ADAMTS17: variants seen among roughly 807,000 people sequenced by gnomAD.
The protein encoded by ADAMTS17 is A disintegrin and metalloproteinase with thrombospondin motifs 17.
A neutral mutation model predicts 141.5 loss-of-function variants in ADAMTS17; 113 were observed. The ratio of observed to expected loss-of-function variants is 0.80; its 90% CI spans 0.69 to 0.93. The LOEUF is 0.93. Ranked by LOEUF, ADAMTS17 falls within the 40% of genes least tolerant of loss-of-function variation. ADAMTS17 has a pLI of 0.00. For missense variants in ADAMTS17, 1,659 were observed against 1,517.9 expected, an observed-to-expected ratio of 1.09 and a Z score of -1.54; for synonymous variants, 768 against 630.6, an observed-to-expected ratio of 1.22 and a Z score of -3.27.
chr15:100,232,790 T>C (rs1042586282), intron 7 of ADAMTS17, among the ~76,000 whole-genome samples: 3 of 152,062 alleles, frequency 2.0e-5, no homozygotes, highest in African/African-American at 7.2e-5. Context: ...CTCACAGTTC[T>C]TCACACTGAC....
chr15:100,102,959 C>T (rs752571856), intron 14 of ADAMTS17, among the ~76,000 whole-genome samples: 1 of 152,202 alleles, frequency 6.6e-6, no homozygotes, highest in Non-Finnish European at 1.5e-5. Flanking sequence ...TCAGTGGCGA[C>T]TCTCCGCCTC....
chr15:100,337,394 A>G (rs572018070), intron 2 of ADAMTS17, among the ~76,000 whole-genome samples: 2 of 152,362 alleles, frequency 1.3e-5, no homozygotes, highest in East Asian at 3.9e-4. Flanking sequence ...ATTCCAAATA[A>G]GAGTCCTACA....
intron 15 of ADAMTS17, among the ~76,000 whole-genome samples, chr15:100,096,153 A>G (rs2035743247): frequency 6.6e-6 from 1 of 152,152 alleles, no homozygotes; most frequent in Admixed American, 6.5e-5. Context: ...TTCATGGCAA[A>G]CTATTCACTA....
rs1345810791 is a variant in ADAMTS17 at position 100,314,695 on chromosome 15, A to G, written c.616+16194T>C. ...TTTGAGTCTGGGTGACTGGAAAAAA[A>G]ACTGGTGAGAACATGGACAGGCATC... On this transcript the variant is annotated intron_variant, in intron 3 of 21. Coordinates refer to ENST00000268070, the MANE Select transcript of ADAMTS17 (RefSeq NM_139057.4). Among the ~76,000 whole-genome samples the G allele has an allele frequency of 2.0e-5, 3 of 152,242 alleles. No homozygotes were observed. The East Asian group carries it at 5.8e-4, about 29-fold the overall frequency.
chr15:99,978,440 C>T (rs568209076), intron 20 of ADAMTS17: 2 of 152,356 alleles, frequency 1.3e-5, no homozygotes, highest in African/African-American at 4.8e-5. Context: ...AAACTGGAAC[C>T]CGGGCTCTGA....
intron 1 of ADAMTS17, 70 bp downstream of exon 1, chr15:100,341,751 C>A: frequency 6.7e-7 from 1 of 1,502,946 alleles, no homozygotes; most frequent in South Asian, 1.3e-5. Flanking sequence ...GCCGCCAGGA[C>A]GCCGCGAGAA....
intron 12 of ADAMTS17, 63 bp downstream of exon 12, chr15:100,131,944 G>T: frequency 6.2e-7 from 1 of 1,610,056 alleles, no homozygotes; most frequent in Non-Finnish European, 8.5e-7. Flanking sequence ...GTGAGGCAGC[G>T]AGAGCTGCTG....
At chr15:100,130,167 C>T (rs773237975) in intron 12 of ADAMTS17, among the ~76,000 whole-genome samples, 3 of 152,094 alleles carry the variant, frequency 2.0e-5, no homozygotes, top group Non-Finnish European at 2.9e-5. Flanking sequence ...GAGTTCAAGA[C>T]CAGCCTGGCA....
chr15:100,079,496 T>C (rs1456724799), intron 15 of ADAMTS17, among the ~76,000 whole-genome samples: 1 of 152,152 alleles, frequency 6.6e-6, no homozygotes, highest in East Asian at 1.9e-4. Context: ...GATAGGCAAA[T>C]TTGTAGATAC....
chr15:100,310,997 C>G (rs769800933), intron 3 of ADAMTS17, among the ~76,000 whole-genome samples: 1 of 152,194 alleles, frequency 6.6e-6, no homozygotes, highest in African/African-American at 2.4e-5. Flanking sequence ...GCAGCTGTCC[C>G]GGTGAGACTT....
chr15:100,285,849 C>T (rs1216576303), intron 3 of ADAMTS17, among the ~76,000 whole-genome samples: 1 of 152,170 alleles, frequency 6.6e-6, no homozygotes, highest in Non-Finnish European at 1.5e-5. Flanking sequence ...CCAAGATCTT[C>T]TAGGTGGCTT....
At chr15:100,124,522 A>G (rs1596494299) in intron 12 of ADAMTS17, among the ~76,000 whole-genome samples, 1 of 152,210 alleles carries the variant, frequency 6.6e-6, no homozygotes, top group East Asian at 1.9e-4. Context: ...CACCCCAGCC[A>G]CGGCAATGGA....
At chr15:99,987,033 G>A (rs1200571430) in intron 20 of ADAMTS17, among the ~76,000 whole-genome samples, 1 of 152,174 alleles carries the variant, frequency 6.6e-6, no homozygotes, top group African/African-American at 2.4e-5. Context: ...CAGGGAGAGA[G>A]GGGCTCCATC....
At chr15:100,281,564 G>C (rs549102187) in intron 3 of ADAMTS17, among the ~76,000 whole-genome samples, 163 bp from the exon 4 acceptor site, 2 of 152,310 alleles carry the variant, frequency 1.3e-5, no homozygotes, top group East Asian at 3.9e-4. Context: ...GGTGCCCCGA[G>C]TTCACTCACG....
At chr15:99,987,118 C>T (rs2060605516) in intron 20 of ADAMTS17, among the ~76,000 whole-genome samples, 1 of 152,220 alleles carries the variant, frequency 6.6e-6, no homozygotes, top group African/African-American at 2.4e-5. Context: ...CGTCCTCCCC[C>T]AGCTAGCACC....
Position 100,205,237 on chromosome 15 carries a change from G to C in ADAMTS17, c.1076-5814C>G, listed in dbSNP as rs115199797. On this transcript the variant is annotated intron_variant, in intron 7 of 21. Transcript: ENST00000268070. ...ACTCGAGGGTCCCTGGGCTGGAGCAGTCACTCCTACAAGATAACATTTTCA... is the reference window on the plus strand; with the variant it reads ...ACTCGAGGGTCCCTGGGCTGGAGCACTCACTCCTACAAGATAACATTTTCA... Among the ~76,000 whole-genome samples, 684 of 152,276 alleles carry C rather than the reference G, an allele frequency of 4.5e-3. 6 individuals carry two copies. The highest frequency in any genetic ancestry group is 0.015 in the African/African-American group (637 of 41,564).
chr15:100,101,960 T>C (rs1260016654), intron 14 of ADAMTS17, among the ~76,000 whole-genome samples: 1 of 152,166 alleles, frequency 6.6e-6, no homozygotes. Flanking sequence ...CCTGGGTGAG[T>C]GCCACCAGGG....
In ADAMTS17 at chr15:100,162,852, A is replaced by T. The variant is rs1020334473; in HGVS notation, c.1182-7532T>A. 4.8e-5 allele frequency among the ~76,000 whole-genome samples: 7 copies of T among 146,594 alleles called. No homozygotes were observed. In the South Asian group the frequency reaches 6.4e-4, roughly 13 times the overall value. ...TATGTGTATAACTATATATAGTTAT[A>T]TATCTGTGTATATATATAACTATAT... On this transcript the variant is annotated intron_variant, in intron 8 of 21. Coordinates refer to ENST00000268070, the MANE Select transcript of ADAMTS17 (RefSeq NM_139057.4).
At chr15:100,049,204 G>T (rs2031949171) in intron 17 of ADAMTS17, among the ~76,000 whole-genome samples, 1 of 152,196 alleles carries the variant, frequency 6.6e-6, no homozygotes, top group African/African-American at 2.4e-5. Flanking sequence ...TGGGGCCCTG[G>T]AAGATTCTAG....
Sources: gnomAD v4.1 joint callset for allele counts (sites outside exome capture counted in the v4.1 genomes callset) on GRCh38, gnomAD v4.1.1 for gene constraint, MANE v1.5 for transcripts, NCBI Gene and HGNC (gene_info 2026-07-23, HGNC 2026-07-21) for gene names.